The following ERAP1 variants were observed in gnomAD, a reference collection of about 807,000 sequenced individuals.
The protein encoded by ERAP1 is endoplasmic reticulum aminopeptidase 1, also known as adipocyte-derived leucine aminopeptidase.
Under a neutral mutation model 103.7 loss-of-function variants are expected in ERAP1, and 86 were observed. That is an observed-to-expected ratio of 0.83 (90% CI 0.70 to 0.99). The LOEUF (loss-of-function observed/expected upper bound fraction) is 0.99. ERAP1 is among the 50% of genes least tolerant of loss of function. The pLI is 0.00. For synonymous variants in ERAP1, 398 were observed against 402.4 expected (o/e 0.99, Z 0.13); for missense variants, 1,009 against 1,128.4 (o/e 0.89, Z 1.52).
the ERAP1 span, among the ~76,000 whole-genome samples, chr5:96,842,192 A>T: frequency 6.6e-6 from 1 of 152,020 alleles, no homozygotes; most frequent in African/African-American, 2.4e-5. Flanking sequence ...TCATTGGTTG[A>T]TGGGCATTTA....
chr5:96,883,779 G>C, the ERAP1 span: 1 of 1,605,976 alleles, frequency 6.2e-7, no homozygotes, highest in Non-Finnish European at 8.5e-7. Flanking sequence ...GCTGGGGGTG[G>C]GTCTTTTCAC....
the ERAP1 span, among the ~76,000 whole-genome samples, chr5:96,914,966 A>AT: frequency 6.6e-6 from 1 of 151,880 alleles, no homozygotes; most frequent in Non-Finnish European, 1.5e-5. Flanking sequence ...CATGCTTTTA[A>AT]TTTTTTTACC....
At chr5:96,903,941 G>C in the ERAP1 span, among the ~76,000 whole-genome samples, 82,316 of 152,018 alleles carry the variant, frequency 0.54, 22,358 homozygotes, top group Admixed American at 0.59. Flanking sequence ...CAAATGGCCT[G>C]TTTCATTCAC....
the ERAP1 span, chr5:96,892,446 C>A: frequency 1.4e-5 from 22 of 1,613,742 alleles, no homozygotes; most frequent in Admixed American, 6.7e-5. Context: ...CATGAACTGG[C>A]GCACCAGGTA....
Position 96,803,638 on chromosome 5 carries a change from T to C in ERAP1, c.289A>G (p.Ser97Gly). Residue 97 changes from serine (S) to glycine (G), a missense_variant, in exon 2 of 19, where the codon AGT (serine) becomes GGT (glycine). Physicochemically the swap from Ser to Gly is moderately conservative, Grantham distance 56 (BLOSUM62 0). Around this residue, in one of 3 missense-constraint regions of ERAP1, gnomAD observed 392 missense variants for 455.2 expected, o/e 0.86. Transcript: ENST00000443439. ...SQPTSTIILH[S>G]HHLQISRATL... is the part of the protein sequence containing the mutation. ...GCCCTAGATATCTGCAGGTGGTGAC[T>C]ATGCAGGATGATGGTGCTGGTGGGC... The C allele has an allele frequency of 6.2e-7, 1 of 1,614,196 alleles. No homozygotes were observed.
In ERAP1 at chr5:96,762,301, G is replaced by T. The variant is rs766430626; in HGVS notation, c.*899C>A. The T allele has an allele frequency of 1.9e-6, 3 of 1,607,536 alleles. No homozygotes were observed. The African/African-American group carries it at 4.0e-5, about 22-fold the overall frequency. ...ATTTGAAGATGCTAAACTTGCTGCT[G>T]CCATCTCTGAAGTGGTTTCCCAAAC... is the stretch of plus-strand genomic sequence containing the variant. On this transcript the variant is annotated 3_prime_UTR_variant, in exon 20 of 20. Coordinates refer to the ERAP1 transcript ENST00000296754.
intron 18 of ERAP1, among the ~76,000 whole-genome samples, chr5:96,779,156 T>C (rs1376774794): frequency 2.6e-5 from 4 of 152,242 alleles, no homozygotes; most frequent in Non-Finnish European, 4.4e-5. Flanking sequence ...TTGATTTGTC[T>C]GTAATTGTCT....
At chr5:96,855,327 A>C in the ERAP1 span, among the ~76,000 whole-genome samples, 106 of 152,368 alleles carry the variant, frequency 7.0e-4, 1 homozygote, top group African/African-American at 2.5e-3. Context: ...CTAAAAGACT[A>C]GATTGTTGCA....
chr5:96,836,909 A>G, the ERAP1 span, among the ~76,000 whole-genome samples: 9 of 152,204 alleles, frequency 5.9e-5, no homozygotes, highest in African/African-American at 2.2e-4. Flanking sequence ...AATGCAAATC[A>G]GAAGATTTTT....
the ERAP1 span, among the ~76,000 whole-genome samples, chr5:96,922,981 GT>G: frequency 6.6e-6 from 1 of 151,542 alleles, no homozygotes; most frequent in Non-Finnish European, 1.5e-5. Context: ...TTTGTTTTTT[GT>G]TTTTTGTTTT....
chr5:96,831,558 G>A, the ERAP1 span, among the ~76,000 whole-genome samples: 5 of 152,176 alleles, frequency 3.3e-5, no homozygotes, highest in African/African-American at 1.2e-4. Context: ...AGGCCAACCT[G>A]CAGTTTGTGC....
chr5:96,885,354 T>A, the ERAP1 span, among the ~76,000 whole-genome samples: 1 of 152,200 alleles, frequency 6.6e-6, no homozygotes, highest in Non-Finnish European at 1.5e-5. Context: ...TTGAATCAGC[T>A]TCCTAAAAAT....
chr5:96,885,929 G>A, the ERAP1 span, among the ~76,000 whole-genome samples: 1 of 152,192 alleles, frequency 6.6e-6, no homozygotes, highest in East Asian at 1.9e-4. Context: ...TCAGGAGATG[G>A]ACAGAAGCTT....
At chr5:96,928,855 G>C in the ERAP1 span, among the ~76,000 whole-genome samples, 36 of 152,300 alleles carry the variant, frequency 2.4e-4, no homozygotes, top group African/African-American at 8.7e-4. Flanking sequence ...ACAGAAGCTG[G>C]TGATCAGCAG....
At chr5:96,768,646 T>C (rs550371866) in intron 19 of ERAP1, among the ~76,000 whole-genome samples, 1 of 152,352 alleles carries the variant, frequency 6.6e-6, no homozygotes, top group Non-Finnish European at 1.5e-5. Context: ...GCCACAATAA[T>C]GCTATGTCTG....
Position 96,781,857 on chromosome 5 carries a change from A to G in ERAP1, c.2286-3T>C, listed in dbSNP as rs1232222170. 7 of 1,613,602 alleles carry G rather than the reference A, an allele frequency of 4.3e-6. No individual in the cohort carries two copies. Among genetic ancestry groups the G allele is most frequent in the Admixed American group, 3.3e-5 (2 of 60,014 alleles). ...CCAAGGTCACGTCGACAGGCAGGCTATAGAAAGGAACACACTCGGTGAGAA... is the reference window on the plus strand; with the variant it reads ...CCAAGGTCACGTCGACAGGCAGGCTGTAGAAAGGAACACACTCGGTGAGAA... On this transcript the variant is annotated splice_polypyrimidine_tract_variant and splice_region_variant and intron_variant, in intron 15 of 18. Coordinates refer to ENST00000443439, the MANE Select transcript of ERAP1 (RefSeq NM_001040458.3).
At chr5:96,782,646 A>G (rs1335993987) in intron 15 of ERAP1, among the ~76,000 whole-genome samples, 7 of 152,220 alleles carry the variant, frequency 4.6e-5, no homozygotes, top group Non-Finnish European at 5.9e-5. Flanking sequence ...GGATTTCCAG[A>G]TACGGTAAAA....
In ERAP1 at chr5:96,774,821, T is replaced by TTTG. The variant is rs1467460371; in HGVS notation, c.*1572_*1574dup. The stretch of plus-strand genomic sequence containing the variant: ...CCAATTCCACTTTTATACCTATTTA[T>TTTG]TTGTTGTAGTGAATGGTTTAATAAA... On this transcript the variant is annotated 3_prime_UTR_variant, in exon 19 of 19. Transcript: ENST00000443439. The TTTG allele has an allele frequency of 1.7e-4, 167 of 985,238 alleles. No individual in the cohort carries two copies. Among genetic ancestry groups the TTTG allele is most frequent in the Admixed American group, 4.9e-4 (8 of 16,266 alleles). The allele number at this position is 985,238 out of a possible 1,614,324, so 61.0% of individuals were successfully genotyped here. A position where few individuals can be genotyped will look rare whatever the true frequency, so the allele number is the denominator to read the frequency against.
At chr5:96,870,386 A>G in the ERAP1 span, among the ~76,000 whole-genome samples, 13,341 of 152,276 alleles carry the variant, frequency 0.088, 686 homozygotes, top group Middle Eastern at 0.15. Context: ...AAACATCTTC[A>G]GGTCCTGGCT....
Sources: allele counts gnomAD v4.1 joint callset (sites outside exome capture counted in the v4.1 genomes callset), GRCh38; gene constraint gnomAD v4.1.1; regional missense constraint gnomAD v4.1.1; transcripts MANE v1.5; gene names NCBI Gene and HGNC (gene_info 2026-07-23, HGNC 2026-07-21).